The following DPP6 variants were observed in gnomAD, a reference collection of about 807,000 sequenced individuals.
DPP6 encodes the protein dipeptidyl peptidase like 6.
Under a neutral mutation model 122.6 loss-of-function variants are expected in DPP6, and 69 were observed. The ratio of observed to expected loss-of-function variants is 0.56; its 90% CI spans 0.46 to 0.69. The LOEUF (loss-of-function observed/expected upper bound fraction) is 0.69, where lower values mean the gene tolerates loss of function less well. Among genes scored for constraint, DPP6 ranks in the 30% least tolerant of loss-of-function variants. The probability of loss-of-function intolerance (pLI) is 0.00; values close to 1 mark genes in which losing one functional copy is unlikely to be tolerated. For synonymous variants in DPP6, 418 were observed against 433.1 expected (o/e 0.97, Z 0.43); for missense variants, 928 against 1,116.9 (o/e 0.83, Z 2.41).
At chr7:154,109,703 C>T (rs1258546207) in intron 1 of DPP6, among the ~76,000 whole-genome samples, 1 of 151,514 alleles carries the variant, frequency 6.6e-6, no homozygotes, top group Non-Finnish European at 1.5e-5. Context: ...ACATAATTCT[C>T]CCTGAGAAGG....
At chr7:154,592,352 T>C (rs1274028091) in intron 5 of DPP6, among the ~76,000 whole-genome samples, 1 of 152,222 alleles carries the variant, frequency 6.6e-6, no homozygotes, top group Non-Finnish European at 1.5e-5. Flanking sequence ...ACACATGAAA[T>C]GTCAGCCTTT....
rs189146272 is a variant in DPP6 at position 154,602,529 on chromosome 7, C to T, written c.628-35292C>T. Among the ~76,000 whole-genome samples the T allele has an allele frequency of 3.8e-4, 44 of 116,798 alleles. 15 individuals carry two copies. Among genetic ancestry groups the T allele is most frequent in the Middle Eastern group, 9.5e-3 (2 of 210 alleles). The allele number at this position is 116,798 out of a possible 152,430, so 76.6% of individuals were successfully genotyped here. On this transcript the variant is annotated intron_variant, in intron 5 of 25. Transcript: ENST00000377770. The stretch of plus-strand genomic sequence containing the variant: ...GCCTCCCAGGTTCAGGTGAGTCTCC[C>T]GCCTCAGCCTCCCATTTCTCGAGTA...
At chr7:153,773,312 T>TTATA in the DPP6 span, among the ~76,000 whole-genome samples, 1 of 85,682 alleles carries the variant, frequency 1.2e-5, no homozygotes, top group East Asian at 5.1e-4. Flanking sequence ...TATGTGTATT[T>TTATA]TATATATATA....
At chr7:153,914,029 A>C (rs564965689) in intron 1 of DPP6, among the ~76,000 whole-genome samples, 14 of 152,298 alleles carry the variant, frequency 9.2e-5, no homozygotes, top group Admixed American at 1.3e-4. Context: ...GTTTGGCTGT[A>C]TCCCCACCCA....
intron 1 of DPP6, among the ~76,000 whole-genome samples, chr7:154,186,687 A>G (rs1206321165): frequency 6.6e-6 from 1 of 152,250 alleles, no homozygotes; most frequent in Non-Finnish European, 1.5e-5. Flanking sequence ...CACAGTCCAG[A>G]TGATGAAGCA....
intron 1 of DPP6, among the ~76,000 whole-genome samples, chr7:154,011,580 A>G (rs1193887065): frequency 6.6e-6 from 1 of 152,154 alleles, no homozygotes; most frequent in African/African-American, 2.4e-5. Flanking sequence ...AGAACATAAC[A>G]TCCAAGACGA....
chr7:153,875,176 A>G, the DPP6 span, among the ~76,000 whole-genome samples: 8 of 152,242 alleles, frequency 5.3e-5, no homozygotes, highest in Non-Finnish European at 1.0e-4. Flanking sequence ...ATGACTGTAT[A>G]AGAGTGCAAG....
chr7:154,340,737 A>G (rs1809854604), intron 1 of DPP6, among the ~76,000 whole-genome samples: 1 of 152,220 alleles, frequency 6.6e-6, no homozygotes, highest in African/African-American at 2.4e-5. Context: ...AATGCTTTAC[A>G]TACGTTATTG....
At chr7:154,889,566 G>A (rs776561113) in intron 25 of DPP6, 36 bp downstream of exon 25, 2 of 1,582,052 alleles carry the variant, frequency 1.3e-6, no homozygotes, top group Admixed American at 3.6e-5. Flanking sequence ...TGAACCTGGA[G>A]CAAGACATTC....
intron 1 of DPP6, among the ~76,000 whole-genome samples, chr7:154,357,543 G>A (rs57816206): frequency 0.029 from 4,380 of 152,200 alleles, 199 homozygotes; most frequent in African/African-American, 0.1. Context: ...TCAGGCTCGA[G>A]GCAACTCATA....
At chr7:154,034,528 C>A (rs2129056043) in intron 1 of DPP6, among the ~76,000 whole-genome samples, 1 of 152,196 alleles carries the variant, frequency 6.6e-6, no homozygotes, top group South Asian at 2.1e-4. Context: ...TCTTTTCCTT[C>A]CTTTGTGTGT....
Position 154,052,684 on chromosome 7 carries a change from G to T in DPP6, c.-137G>T. 1.6e-6 allele frequency: 2 copies of T among 1,220,902 alleles called. No individual in the cohort carries two copies. Among genetic ancestry groups the T allele is most frequent in the Non-Finnish European group, 2.1e-6 (2 of 969,920 alleles). The allele number at this position is 1,220,902 out of a possible 1,614,324, so 75.6% of individuals were successfully genotyped here. A position where few individuals can be genotyped will look rare whatever the true frequency, so the allele number is the denominator to read the frequency against. ...AGGAGCGGCCGCCGGCGCTGGGCTTGCCTTGCTGCTGCTGCTGCTGCTGCC... is the reference window on the plus strand; with the variant it reads ...AGGAGCGGCCGCCGGCGCTGGGCTTTCCTTGCTGCTGCTGCTGCTGCTGCC... On this transcript the variant is annotated 5_prime_UTR_variant, in exon 1 of 26. Transcript: ENST00000377770. The surrounding 1 kb of genome is among the most constrained non-coding windows in gnomAD (Gnocchi z 4.8).
chr7:154,542,892 A>G (rs1828846680), intron 4 of DPP6, among the ~76,000 whole-genome samples: 1 of 152,218 alleles, frequency 6.6e-6, no homozygotes, highest in Non-Finnish European at 1.5e-5. Flanking sequence ...TCATGCCTCA[A>G]TTGCTCTATC....
chr7:154,575,224 G>GGT (rs1211385129), intron 5 of DPP6, among the ~76,000 whole-genome samples: 1 of 121,114 alleles, frequency 8.3e-6, no homozygotes, highest in African/African-American at 3.1e-5. Flanking sequence ...TGTGTGGTGT[G>GGT]GTGTGTGTGT....
chr7:154,156,536 G>A (rs184889521), intron 1 of DPP6, among the ~76,000 whole-genome samples: 37 of 152,288 alleles, frequency 2.4e-4, no homozygotes, highest in African/African-American at 8.4e-4. Context: ...GGCCCTCTTT[G>A]GTAAGATGTG....
chr7:153,807,126 C>T, the DPP6 span, among the ~76,000 whole-genome samples: 1 of 151,786 alleles, frequency 6.6e-6, no homozygotes, highest in East Asian at 1.9e-4. Context: ...ATATTTCTTG[C>T]CTTAGGCTGG....
At chr7:154,127,398 T>C (rs1585431987) in intron 1 of DPP6, among the ~76,000 whole-genome samples, 1 of 152,300 alleles carries the variant, frequency 6.6e-6, no homozygotes, top group East Asian at 1.9e-4. Flanking sequence ...TGAGGAAATG[T>C]AGTCAAGAAA....
chr7:154,803,075 T>G (rs1337217082), intron 13 of DPP6, among the ~76,000 whole-genome samples: 1 of 152,118 alleles, frequency 6.6e-6, no homozygotes, highest in Non-Finnish European at 1.5e-5. Context: ...TCCTACACGC[T>G]GTCTGCGCCC....
At chr7:154,174,861 A>C (rs1585553179) in intron 1 of DPP6, among the ~76,000 whole-genome samples, 1 of 145,704 alleles carries the variant, frequency 6.9e-6, no homozygotes. Context: ...TTCACAGCCC[A>C]ATTTCTTTCT....
Sources: allele counts gnomAD v4.1 joint callset (sites outside exome capture counted in the v4.1 genomes callset), GRCh38; gene constraint gnomAD v4.1.1; non-coding constraint Gnocchi (gnomAD v3.1); transcripts MANE v1.5; gene names NCBI Gene and HGNC (gene_info 2026-07-23, HGNC 2026-07-21).